Variants in NEO1 observed in about 807,000 individuals in gnomAD.
NEO1 encodes the protein neogenin 1.
A neutral mutation model predicts 159.7 loss-of-function variants in NEO1; 63 were observed. The observed-to-expected ratio is 0.39, with a 90% CI of 0.32 to 0.49. The LOEUF is 0.49. Among genes scored for constraint, NEO1 ranks in the 20% least tolerant of loss-of-function variants. The pLI, the probability that NEO1 is intolerant of heterozygous loss-of-function variation, is 0.85. For missense variants in NEO1, 1,615 were observed against 1,831.0 expected, an observed-to-expected ratio of 0.88 and a Z score of 2.15; for synonymous variants, 633 against 662.0, an observed-to-expected ratio of 0.96 and a Z score of 0.67.
intron 5 of NEO1, among the ~76,000 whole-genome samples, chr15:73,147,389 C>G (rs530208027): frequency 6.6e-6 from 1 of 152,230 alleles, no homozygotes; most frequent in South Asian, 2.1e-4. Context: ...TGCTTTTGTT[C>G]CATGCCACCA....
At chr15:73,195,918 A>C (rs1187715419) in intron 7 of NEO1, among the ~76,000 whole-genome samples, 1 of 152,234 alleles carries the variant, frequency 6.6e-6, no homozygotes, top group East Asian at 1.9e-4. Context: ...TCTGCATCTT[A>C]AAAAATGCTA....
intron 5 of NEO1, among the ~76,000 whole-genome samples, chr15:73,158,805 TA>T (rs1485208900): frequency 6.6e-6 from 1 of 152,192 alleles, no homozygotes; most frequent in Non-Finnish European, 1.5e-5. Context: ...AAGCAACCAT[TA>T]TTTTTTTCTT....
intron 1 of NEO1, among the ~76,000 whole-genome samples, chr15:73,056,604 C>T (rs1595880144): frequency 1.3e-5 from 2 of 152,144 alleles, no homozygotes; most frequent in Non-Finnish European, 2.9e-5. Flanking sequence ...AATCTGATTC[C>T]TTTATATGAT....
At chr15:73,179,671 A>C (rs2035485810) in intron 7 of NEO1, among the ~76,000 whole-genome samples, 1 of 152,200 alleles carries the variant, frequency 6.6e-6, no homozygotes, top group Non-Finnish European at 1.5e-5. Flanking sequence ...CTGTTTTTGC[A>C]GCATAGGCAA....
chr15:73,097,465 A>G (rs1595970628), intron 1 of NEO1, among the ~76,000 whole-genome samples: 2 of 148,436 alleles, frequency 1.3e-5, no homozygotes, highest in African/African-American at 5.0e-5. Context: ...GGTTCAAGCG[A>G]TTCTGCTGGC....
intron 5 of NEO1, among the ~76,000 whole-genome samples, chr15:73,140,547 C>T (rs2032278637): frequency 6.6e-6 from 1 of 151,938 alleles, no homozygotes; most frequent in Non-Finnish European, 1.5e-5. Context: ...CAAAGCAAAA[C>T]CATCTCTAAA....
intron 1 of NEO1, among the ~76,000 whole-genome samples, chr15:73,061,018 T>G (rs2067951644): frequency 6.6e-6 from 1 of 152,190 alleles, no homozygotes; most frequent in Non-Finnish European, 1.5e-5. Flanking sequence ...GGAATATAAC[T>G]GAAGACTAGG....
chr15:73,286,402 G>A (rs2041950068), intron 23 of NEO1, among the ~76,000 whole-genome samples: 2 of 151,614 alleles, frequency 1.3e-5, no homozygotes, highest in African/African-American at 4.8e-5. Context: ...TTTGTTTTTT[G>A]TTTTTTTTCA....
chr15:73,201,363 T>C (rs2036874104), intron 7 of NEO1, among the ~76,000 whole-genome samples: 1 of 152,022 alleles, frequency 6.6e-6, no homozygotes, highest in Non-Finnish European at 1.5e-5. Flanking sequence ...TTTCCAAATA[T>C]TTGGAGTTTT....
intron 27 of NEO1, among the ~76,000 whole-genome samples, chr15:73,300,488 G>A (rs951269385): frequency 2.0e-5 from 3 of 152,230 alleles, no homozygotes; most frequent in Non-Finnish European, 4.4e-5. Flanking sequence ...CCAGCACTTC[G>A]GGAGGCCGAG....
At chr15:73,292,640 C>T (rs984915544) in intron 25 of NEO1, among the ~76,000 whole-genome samples, 2 of 152,122 alleles carry the variant, frequency 1.3e-5, no homozygotes, top group African/African-American at 2.4e-5. Flanking sequence ...TTTAGCTAAA[C>T]GCAGTTAATT....
chr15:73,202,028 A>T (rs967851628), intron 7 of NEO1, among the ~76,000 whole-genome samples: 1 of 141,010 alleles, frequency 7.1e-6, no homozygotes, highest in Non-Finnish European at 1.5e-5. Context: ...CAATGGTGCA[A>T]TCTCAGCTCA....
chr15:73,175,000 C>T (rs2035201746), intron 5 of NEO1, among the ~76,000 whole-genome samples: 1 of 152,014 alleles, frequency 6.6e-6, no homozygotes. Context: ...GTTCTATCTC[C>T]TTTTTGTACT....
At chr15:73,092,863 A>G (rs867333758) in intron 1 of NEO1, among the ~76,000 whole-genome samples, 296 of 152,272 alleles carry the variant, frequency 1.9e-3, no homozygotes, top group African/African-American at 6.8e-3. Context: ...ACAATTAGTA[A>G]ACCTATATTG....
chr15:73,270,535 C>A, intron 18 of NEO1, 81 bp downstream of exon 18: 1 of 1,440,710 alleles, frequency 6.9e-7, no homozygotes, highest in Non-Finnish European at 9.3e-7. Flanking sequence ...GACATATTTA[C>A]AAAACACAGT....
intron 18 of NEO1, among the ~76,000 whole-genome samples, chr15:73,270,829 T>C (rs1269308445): frequency 2.0e-5 from 3 of 152,252 alleles, no homozygotes; most frequent in Admixed American, 6.5e-5. Flanking sequence ...CTCTGCAGTT[T>C]GCTTGCAAGC....
At chr15:73,156,068 G>T (rs2033749604) in intron 5 of NEO1, among the ~76,000 whole-genome samples, 1 of 152,216 alleles carries the variant, frequency 6.6e-6, no homozygotes, top group African/African-American at 2.4e-5. Flanking sequence ...TGCATCTGGA[G>T]TAACAGTCAC....
chr15:73,060,263 T>G lies in NEO1; in HGVS notation c.130+7458T>G, dbSNP rs140706581. 6.0e-3 allele frequency among the ~76,000 whole-genome samples: 917 copies of G among 152,176 alleles called. 12 individuals are homozygous for G. Among genetic ancestry groups the G allele is most frequent in the African/African-American group, 0.021 (869 of 41,518 alleles). ...AGGATAACTAGTTTTGTTTGTTTGT[T>G]TGTTTGTTTGTTTTTTCTGAGACTG... is the stretch of plus-strand genomic sequence containing the variant. On this transcript the variant is annotated intron_variant, in intron 1 of 28. Transcript: ENST00000261908.
intron 7 of NEO1, among the ~76,000 whole-genome samples, chr15:73,183,525 C>T: frequency 6.6e-6 from 1 of 152,142 alleles, no homozygotes; most frequent in Admixed American, 6.5e-5. Flanking sequence ...TCTTTTACTA[C>T]TAGGGGAAGA....
Sources: gnomAD v4.1 joint callset for allele counts (sites outside exome capture counted in the v4.1 genomes callset) on GRCh38, gnomAD v4.1.1 for gene constraint, MANE v1.5 for transcripts, NCBI Gene and HGNC (gene_info 2026-07-23, HGNC 2026-07-21) for gene names.